ULK4: variants seen among roughly 807,000 people sequenced by gnomAD.
ULK4 encodes the protein inactive serine/threonine-protein kinase ULK4.
Under a neutral mutation model 160.6 loss-of-function variants are expected in ULK4, and 133 were observed. The observed-to-expected ratio is 0.83, with a 90% confidence interval of 0.72 to 0.96. ULK4 has a LOEUF of 0.96. Ranked by LOEUF, ULK4 falls within the 40% of genes least tolerant of loss-of-function variation. ULK4 has a pLI of 0.00. For synonymous variants in ULK4, 534 were observed against 539.8 expected, an observed-to-expected ratio of 0.99 and a Z score of 0.15; for missense variants, 1,580 against 1,499.5, an observed-to-expected ratio of 1.05 and a Z score of -0.89.
intron 17 of ULK4, among the ~76,000 whole-genome samples, chr3:41,856,551 G>A (rs6775800): frequency 0.014 from 641 of 44,378 alleles, 20 homozygotes; most frequent in African/African-American, 0.076. Context: ...ATATATATGT[G>A]TATATATATA....
chr3:41,386,377 A>G (rs1454760767), intron 35 of ULK4, among the ~76,000 whole-genome samples: 1 of 152,178 alleles, frequency 6.6e-6, no homozygotes, highest in Non-Finnish European at 1.5e-5. Context: ...TTATCATATT[A>G]AATGGGTTTT....
chr3:41,394,663 G>A (rs1237493615), intron 35 of ULK4, among the ~76,000 whole-genome samples: 4 of 152,020 alleles, frequency 2.6e-5, no homozygotes, highest in Non-Finnish European at 5.9e-5. Context: ...GTGCAAAGTT[G>A]AGAAATCCGA....
At chr3:41,918,425 A>T (rs1293630393) in intron 7 of ULK4, 32 bp downstream of exon 7, 1 of 1,465,926 alleles carries the variant, frequency 6.8e-7, no homozygotes, top group African/African-American at 1.4e-5. Flanking sequence ...TGTAAAATGT[A>T]AATTAATTCC....
At chr3:41,613,375 C>T (rs2032797370) in intron 31 of ULK4, among the ~76,000 whole-genome samples, 5 of 152,146 alleles carry the variant, frequency 3.3e-5, no homozygotes, top group Non-Finnish European at 7.4e-5. Flanking sequence ...TATAATATAT[C>T]ACTTTTAGGC....
intron 34 of ULK4, among the ~76,000 whole-genome samples, chr3:41,419,468 T>C (rs915760558): frequency 1.3e-5 from 2 of 152,110 alleles, no homozygotes; most frequent in Non-Finnish European, 2.9e-5. Flanking sequence ...AGGTCATGGC[T>C]AAAGATACAA....
At chr3:41,453,059 G>C (rs548657393) in intron 34 of ULK4, among the ~76,000 whole-genome samples, 10 of 152,170 alleles carry the variant, frequency 6.6e-5, no homozygotes, top group Non-Finnish European at 1.3e-4. Context: ...TGGAAGGCAA[G>C]GATGGGCCTA....
At chr3:41,385,464 T>C (rs2081784821) in intron 35 of ULK4, among the ~76,000 whole-genome samples, 1 of 151,784 alleles carries the variant, frequency 6.6e-6, no homozygotes, top group Admixed American at 6.6e-5. Flanking sequence ...GGGCTACAAA[T>C]GACAGATTGG....
At chr3:41,283,189 C>T (rs1388410826) in intron 35 of ULK4, among the ~76,000 whole-genome samples, 2 of 152,202 alleles carry the variant, frequency 1.3e-5, no homozygotes, top group African/African-American at 4.8e-5. Context: ...AATGCTTTTA[C>T]ACTGTTGGTG....
At chr3:41,469,686 A>T (rs1005891887) in intron 32 of ULK4, among the ~76,000 whole-genome samples, 5 of 149,626 alleles carry the variant, frequency 3.3e-5, no homozygotes, top group Admixed American at 1.3e-4. Context: ...CAATGCAAGA[A>T]CACAAGAATT....
At chr3:41,420,475 C>CTTTTTTTT (rs1165381982) in intron 34 of ULK4, among the ~76,000 whole-genome samples, 86 of 41,168 alleles carry the variant, frequency 2.1e-3, no homozygotes, top group South Asian at 4.2e-3. Context: ...CCAGTTCTTT[C>CTTTTTTTT]TTTTTTTTTT....
At chr3:41,294,285 T>G (rs2079628175) in intron 35 of ULK4, among the ~76,000 whole-genome samples, 1 of 152,174 alleles carries the variant, frequency 6.6e-6, no homozygotes, top group African/African-American at 2.4e-5. Flanking sequence ...GATGCAACAT[T>G]CAAGGTGCCA....
intron 32 of ULK4, among the ~76,000 whole-genome samples, chr3:41,525,443 A>G (rs920476465): frequency 2.0e-5 from 3 of 152,322 alleles, no homozygotes; most frequent in African/African-American, 7.2e-5. Context: ...AATGGCATCA[A>G]TGGACTCTCG....
chr3:41,742,373 A>T (rs2038271115), intron 22 of ULK4, among the ~76,000 whole-genome samples: 1 of 152,004 alleles, frequency 6.6e-6, no homozygotes, highest in African/African-American at 2.4e-5. Flanking sequence ...CTGCTGTGAC[A>T]GTATTAAGGT....
intron 17 of ULK4, among the ~76,000 whole-genome samples, chr3:41,862,549 G>T (rs897061360): frequency 3.9e-5 from 6 of 152,162 alleles, no homozygotes; most frequent in Non-Finnish European, 8.8e-5. Flanking sequence ...TCTTGGGAAG[G>T]CTTTTCGGAT....
At chr3:41,874,066 T>A (rs1697213797) in intron 17 of ULK4, among the ~76,000 whole-genome samples, 1 of 152,142 alleles carries the variant, frequency 6.6e-6, no homozygotes, top group East Asian at 1.9e-4. Flanking sequence ...AATTCATATA[T>A]CTCAGAAAGT....
intron 23 of ULK4, among the ~76,000 whole-genome samples, 181 bp downstream of exon 23, chr3:41,717,547 G>A (rs934355018): frequency 2.6e-5 from 4 of 152,130 alleles, no homozygotes; most frequent in Non-Finnish European, 2.9e-5. Context: ...TGTCATTGAT[G>A]CAAAATAATT....
intron 34 of ULK4, among the ~76,000 whole-genome samples, chr3:41,438,264 TAAATC>T (rs1271654969): frequency 1.3e-5 from 2 of 152,128 alleles, no homozygotes; most frequent in African/African-American, 4.8e-5. Context: ...AAGTGTGACA[TAAATC>T]AGACCATATA....
intron 34 of ULK4, among the ~76,000 whole-genome samples, chr3:41,432,051 A>G (rs1017240456): frequency 3.3e-5 from 5 of 152,076 alleles, no homozygotes; most frequent in Non-Finnish European, 7.4e-5. Flanking sequence ...TCGGCCTCCC[A>G]AAGGACTATT....
At chr3:41,285,073 C>CA (rs1204771965) in intron 35 of ULK4, among the ~76,000 whole-genome samples, 2 of 152,004 alleles carry the variant, frequency 1.3e-5, no homozygotes, top group Non-Finnish European at 2.9e-5. Context: ...TGGCCATAAT[C>CA]AAAAAAATCA....
Sources: gnomAD v4.1 joint callset for allele counts (sites outside exome capture counted in the v4.1 genomes callset) on GRCh38, gnomAD v4.1.1 for gene constraint, MANE v1.5 for transcripts, NCBI Gene and HGNC (gene_info 2026-07-23, HGNC 2026-07-21) for gene names.